BCKDHB: variants seen among roughly 807,000 people sequenced by gnomAD.
The protein encoded by BCKDHB is branched chain keto acid dehydrogenase E1 subunit beta, also known as 2-oxoisovalerate dehydrogenase subunit beta, mitochondrial.
BCKDHB carries 41 observed loss-of-function variants against 48.5 expected under a neutral mutation model. The ratio of observed to expected loss-of-function variants is 0.85; its 90% confidence interval spans 0.66 to 1.10. The LOEUF is 1.10. Among genes scored for constraint, BCKDHB ranks in the 50% least tolerant of loss-of-function variants. The probability of loss-of-function intolerance (pLI) is 0.00; values close to 1 mark genes in which losing one functional copy is unlikely to be tolerated. For missense variants in BCKDHB, 496 were observed against 494.2 expected (o/e 1.00, Z -0.03); for synonymous variants, 201 against 174.8 (o/e 1.15, Z -1.18).
At chr6:80,279,729 A>G (rs1355552144) in intron 9 of BCKDHB, among the ~76,000 whole-genome samples, 2 of 152,124 alleles carry the variant, frequency 1.3e-5, no homozygotes, top group African/African-American at 4.8e-5. Context: ...AGTATTTCTT[A>G]TAACCATCCT....
intron 8 of BCKDHB, among the ~76,000 whole-genome samples, chr6:80,254,049 T>C (rs1776947212): frequency 6.6e-6 from 1 of 151,938 alleles, no homozygotes; most frequent in Non-Finnish European, 1.5e-5. Context: ...GTATTAGTGT[T>C]TATGTTTTAT....
At position 80,179,923 on chromosome 6, in the gene BCKDHB, G is replaced by T. The variant is rs140599102; in HGVS notation, c.742+8533G>T. Reference sequence around the variant, plus strand: ...TGGGCAAGAAGAGATGAGGTCGTTTGGCCCCTGTGCAGCATTGTGCCAGTC... The same window carrying T: ...TGGGCAAGAAGAGATGAGGTCGTTTTGCCCCTGTGCAGCATTGTGCCAGTC... On this transcript the variant is annotated intron_variant, in intron 6 of 9. Coordinates refer to ENST00000320393, the MANE Select transcript of BCKDHB (RefSeq NM_183050.4). Among the ~76,000 whole-genome samples, 265 of 152,172 alleles carry T rather than the reference G, an allele frequency of 1.7e-3. 1 individual carries two copies. The highest frequency in any genetic ancestry group is 6.0e-3 in the African/African-American group (251 of 41,512).
At chr6:80,340,613 T>C (rs1769837983) in intron 9 of BCKDHB, among the ~76,000 whole-genome samples, 1 of 152,226 alleles carries the variant, frequency 6.6e-6, no homozygotes, top group African/African-American at 2.4e-5. Context: ...TCATCAAATA[T>C]GGTTTTTAAG....
rs553947527 is a variant in BCKDHB at position 80,159,297 on chromosome 6, C to CA, written c.344-8374dup. ...CTAGAACTTAAAGTATAAAAAAACC[C>CA]AAAAAAACAACAAAAAAACTATCTT... On this transcript the variant is annotated intron_variant, in intron 3 of 9. Coordinates refer to ENST00000320393, the MANE Select transcript of BCKDHB (RefSeq NM_183050.4). 1.8e-3 allele frequency among the ~76,000 whole-genome samples: 270 copies of CA among 151,632 alleles called. 1 individual carries two copies. The highest frequency in any genetic ancestry group is 6.0e-3 in the African/African-American group (248 of 41,302).
At chr6:80,116,295 C>T (rs1358665864) in intron 1 of BCKDHB, among the ~76,000 whole-genome samples, 2 of 152,184 alleles carry the variant, frequency 1.3e-5, no homozygotes, top group Non-Finnish European at 1.5e-5. Flanking sequence ...TTGAATGTGA[C>T]ATTGGTAGGT....
chr6:80,197,928 A>G lies in BCKDHB; in HGVS notation c.743-3006A>G, dbSNP rs929195825. Among the ~76,000 whole-genome samples the G allele has an allele frequency of 7.6e-5, 11 of 143,798 alleles. 1 individual carries two copies. The highest frequency in any genetic ancestry group is 2.8e-4 in the African/African-American group (11 of 39,490). The allele number at this position is 143,798 out of a possible 152,430, so 94.3% of individuals were successfully genotyped here. A position where few individuals can be genotyped will look rare whatever the true frequency, so the allele number is the denominator to read the frequency against. ...CACCCGCCCGTCCATTGATCTATCC[A>G]TCTGTTCATCCATCCATCCATCCAT... On this transcript the variant is annotated intron_variant, in intron 6 of 9. Transcript: ENST00000320393.
chr6:80,346,058 A>G lies in BCKDHB; in HGVS notation c.*2254A>G, dbSNP rs1258147899. 2 of 152,126 alleles carry G rather than the reference A, an allele frequency of 1.3e-5. No individual in the cohort carries two copies. Among genetic ancestry groups the G allele is most frequent in the Non-Finnish European group, 2.9e-5 (2 of 68,004 alleles). The allele number at this position is 152,126 out of a possible 1,614,324, so 9.4% of individuals were successfully genotyped here. A position where few individuals can be genotyped will look rare whatever the true frequency, so the allele number is the denominator to read the frequency against. On this transcript the variant is annotated 3_prime_UTR_variant, in exon 10 of 10. Coordinates refer to ENST00000320393, the MANE Select transcript of BCKDHB (RefSeq NM_183050.4). ...TTCCTCCGACTTACCTCTTTTTGAA[A>G]AGAGAGTTTTTATTAAGTGAACCAT...
chr6:80,149,412 G>A (rs1386144997), intron 3 of BCKDHB, among the ~76,000 whole-genome samples: 2 of 152,146 alleles, frequency 1.3e-5, no homozygotes, highest in South Asian at 2.1e-4. Context: ...ACAGTGTGGC[G>A]ATTCCTCAGG....
the BCKDHB span, chr6:80,374,428 G>C: frequency 1.3e-6 from 1 of 771,062 alleles, no homozygotes; most frequent in East Asian, 2.5e-5. Context: ...ACATCTTTCA[G>C]ATATTTTGTG....
At chr6:80,406,688 C>T in the BCKDHB span, among the ~76,000 whole-genome samples, 5 of 152,112 alleles carry the variant, frequency 3.3e-5, no homozygotes, top group Admixed American at 2.0e-4. Flanking sequence ...CCTTTGCCTA[C>T]TTTTTGATGG....
the BCKDHB span, among the ~76,000 whole-genome samples, chr6:80,425,316 G>A: frequency 2.0e-5 from 3 of 152,184 alleles, no homozygotes; most frequent in Non-Finnish European, 4.4e-5. Context: ...CAATGGTTAA[G>A]TATGAATTGT....
intron 8 of BCKDHB, among the ~76,000 whole-genome samples, chr6:80,213,435 A>G (rs16891533): frequency 0.034 from 5,143 of 152,216 alleles, 284 homozygotes; most frequent in African/African-American, 0.12. Context: ...AGTTTTATGG[A>G]TAATTACATT....
At chr6:80,391,177 A>ATG in the BCKDHB span, among the ~76,000 whole-genome samples, 5,352 of 149,194 alleles carry the variant, frequency 0.036, 306 homozygotes, top group African/African-American at 0.12. Context: ...GCATATATAT[A>ATG]TGTGTGTGTG....
At chr6:80,281,563 T>C (rs182434868) in intron 9 of BCKDHB, among the ~76,000 whole-genome samples, 1 of 152,298 alleles carries the variant, frequency 6.6e-6, no homozygotes, top group East Asian at 1.9e-4. Context: ...TAGTGAAGAC[T>C]TGAACCGATG....
the BCKDHB span, among the ~76,000 whole-genome samples, chr6:80,421,835 G>C: frequency 5.9e-5 from 9 of 152,272 alleles, no homozygotes; most frequent in Non-Finnish European, 1.0e-4. Context: ...TTCACAAAGA[G>C]AATACCTGAA....
intron 6 of BCKDHB, among the ~76,000 whole-genome samples, chr6:80,196,422 C>T (rs1774133363): frequency 1.3e-5 from 2 of 152,128 alleles, no homozygotes; most frequent in African/African-American, 4.8e-5. Context: ...CGAGTTGTTG[C>T]TTCCCTTTAG....
At chr6:80,176,942 A>G (rs140782552) in intron 6 of BCKDHB, among the ~76,000 whole-genome samples, 4 of 152,266 alleles carry the variant, frequency 2.6e-5, no homozygotes, top group African/African-American at 9.6e-5. Context: ...TGCAAAATGA[A>G]GGCCACGTGT....
the BCKDHB span, among the ~76,000 whole-genome samples, chr6:80,361,039 A>G: frequency 2.0e-5 from 3 of 151,228 alleles, no homozygotes; most frequent in East Asian, 1.9e-4. Context: ...AAAAAAAATT[A>G]GAAAGTTATA....
the BCKDHB span, among the ~76,000 whole-genome samples, chr6:80,427,452 A>C: frequency 6.6e-6 from 1 of 152,130 alleles, no homozygotes; most frequent in African/African-American, 2.4e-5. Flanking sequence ...ATACATTGCT[A>C]TTATTTTTGC....
Sources: allele counts gnomAD v4.1 joint callset (sites outside exome capture counted in the v4.1 genomes callset), GRCh38; gene constraint gnomAD v4.1.1; transcripts MANE v1.5; gene names NCBI Gene and HGNC (gene_info 2026-07-23, HGNC 2026-07-21).